The following CDK19 variants were observed in gnomAD, a reference collection of about 807,000 sequenced individuals.
CDK19 encodes the protein cyclin dependent kinase 19.
CDK19 carries 20 observed loss-of-function variants against 68.3 expected under a neutral mutation model. That is an observed-to-expected ratio of 0.29 (90% CI 0.21 to 0.43). The LOEUF is 0.43. CDK19 is among the 20% of genes least tolerant of loss of function. CDK19 has a pLI of 1.00. For synonymous variants in CDK19, 221 were observed against 222.8 expected, an observed-to-expected ratio of 0.99 and a Z score of 0.07; for missense variants, 339 against 623.5, an observed-to-expected ratio of 0.54 and a Z score of 4.86.
At chr6:110,720,410 T>C (rs1272135900) in intron 2 of CDK19, among the ~76,000 whole-genome samples, 2 of 152,134 alleles carry the variant, frequency 1.3e-5, no homozygotes, top group African/African-American at 4.8e-5. Context: ...AGATGTGCTG[T>C]CAGGTACTCA....
chr6:110,762,629 T>G (rs968935916), intron 1 of CDK19, among the ~76,000 whole-genome samples: 2 of 152,168 alleles, frequency 1.3e-5, no homozygotes, highest in African/African-American at 4.8e-5. Context: ...GCAGAATACG[T>G]AAAGCACCTA....
intron 1 of CDK19, chr6:110,774,076 A>AT (rs1249477582): frequency 6.6e-6 from 1 of 152,004 alleles, no homozygotes; most frequent in Non-Finnish European, 1.5e-5. Context: ...GACAATGAGC[A>AT]TATCAACAAT....
chr6:110,814,687 C>T, intron 1 of CDK19: 1 of 551,464 alleles, frequency 1.8e-6, no homozygotes, highest in South Asian at 1.5e-5. Flanking sequence ...CCCCAAGAGA[C>T]TAGACCCCAC....
intron 2 of CDK19, among the ~76,000 whole-genome samples, chr6:110,720,314 T>A (rs1775766190): frequency 1.3e-5 from 2 of 152,176 alleles, no homozygotes; most frequent in African/African-American, 4.8e-5. Context: ...TCTTTCACGA[T>A]CTTTGGCAGA....
chr6:110,741,482 A>C (rs1562250152), intron 2 of CDK19, among the ~76,000 whole-genome samples: 1 of 151,416 alleles, frequency 6.6e-6, no homozygotes, highest in Non-Finnish European at 1.5e-5. Flanking sequence ...AATAAAATAA[A>C]TTAAAAAAAA....
chr6:110,648,001 GA>G (rs1037757430), intron 4 of CDK19, among the ~76,000 whole-genome samples: 3 of 151,530 alleles, frequency 2.0e-5, no homozygotes, highest in Non-Finnish European at 2.9e-5. Flanking sequence ...AGATGCTGGG[GA>G]AAAAAAACAG....
intron 2 of CDK19, among the ~76,000 whole-genome samples, chr6:110,688,159 G>A (rs1772653019): frequency 6.6e-6 from 1 of 152,006 alleles, no homozygotes; most frequent in Non-Finnish European, 1.5e-5. Flanking sequence ...GCCAAGGTGG[G>A]CAGATCACTT....
At chr6:110,648,630 T>C (rs1369608218) in intron 4 of CDK19, among the ~76,000 whole-genome samples, 1 of 149,330 alleles carries the variant, frequency 6.7e-6, no homozygotes, top group African/African-American at 2.5e-5. Flanking sequence ...AACCTCTGCC[T>C]TCCAGGTTCA....
Position 110,610,202 on chromosome 6 carries a change from C to G in CDK19, c.*4333G>C, listed in dbSNP as rs1233527804. ...GGAGCACGAAAAGCTACAGTCATCT[C>G]TATAACCATATAAAGGGGGATGCGT... On this transcript the variant is annotated 3_prime_UTR_variant, in exon 13 of 13. Transcript: ENST00000368911. 6.6e-6 allele frequency: 1 copy of G among 152,234 alleles called. No individual in the cohort carries two copies. Among genetic ancestry groups the G allele is most frequent in the Non-Finnish European group, 1.5e-5 (1 of 68,020 alleles). The allele number at this position is 152,234 out of a possible 1,614,324, so 9.4% of individuals were successfully genotyped here. A position where few individuals can be genotyped will look rare whatever the true frequency, so the allele number is the denominator to read the frequency against.
rs542703401 is a variant in CDK19, at chr6:110,703,320, G to C, written c.205-32779C>G. Among the ~76,000 whole-genome samples the C allele has an allele frequency of 2.6e-5, 4 of 152,186 alleles. No homozygotes were observed. The East Asian group carries it at 7.7e-4, about 29-fold the overall frequency. ...TAAGATATTATGTTAGCAGTACTTT[G>C]AATAGGGTGCTTAGGGAAATATATT... On this transcript the variant is annotated intron_variant, in intron 2 of 12. Transcript: ENST00000368911.
intron 2 of CDK19, among the ~76,000 whole-genome samples, chr6:110,725,016 C>T (rs1258831585): frequency 6.6e-6 from 1 of 152,136 alleles, no homozygotes; most frequent in Non-Finnish European, 1.5e-5. Flanking sequence ...CTGATACCTA[C>T]TATGTGAGCT....
chr6:110,801,550 C>T (rs954361935), intron 1 of CDK19, among the ~76,000 whole-genome samples: 9 of 151,748 alleles, frequency 5.9e-5, no homozygotes, highest in Middle Eastern at 3.2e-3. Flanking sequence ...TTTGCACTGT[C>T]GCCCAAGCTA....
chr6:110,729,132 G>C (rs1776561090), intron 2 of CDK19, among the ~76,000 whole-genome samples: 1 of 152,084 alleles, frequency 6.6e-6, no homozygotes, highest in South Asian at 2.1e-4. Flanking sequence ...CAGGTGAAAA[G>C]AGATTAGTAA....
intron 1 of CDK19, among the ~76,000 whole-genome samples, chr6:110,751,185 C>T (rs1778450391): frequency 6.6e-6 from 1 of 152,142 alleles, no homozygotes; most frequent in Non-Finnish European, 1.5e-5. Flanking sequence ...ACTTGGCCCA[C>T]AGATCCCTAC....
intron 2 of CDK19, among the ~76,000 whole-genome samples, chr6:110,697,998 T>C (rs1773632190): frequency 6.6e-6 from 1 of 152,134 alleles, no homozygotes; most frequent in Admixed American, 6.5e-5. Flanking sequence ...TCTCTTACCT[T>C]ATACAGAAAT....
At chr6:110,662,129 C>T (rs907226124) in intron 4 of CDK19, among the ~76,000 whole-genome samples, 3 of 152,040 alleles carry the variant, frequency 2.0e-5, no homozygotes, top group East Asian at 1.9e-4. Flanking sequence ...GCCACCACAC[C>T]GAGCTAATTT....
chr6:110,698,969 G>A (rs1773741932), intron 2 of CDK19, among the ~76,000 whole-genome samples: 1 of 150,714 alleles, frequency 6.6e-6, no homozygotes, highest in African/African-American at 2.4e-5. Flanking sequence ...TGGGAGGATT[G>A]CTTGGGCCCA....
At chr6:110,768,248 A>G (rs1471706610) in intron 1 of CDK19, among the ~76,000 whole-genome samples, 1 of 152,212 alleles carries the variant, frequency 6.6e-6, no homozygotes. Flanking sequence ...TCAAATGCTG[A>G]CAAGGATGTG....
Position 110,662,033 on chromosome 6 carries a change from G to A in CDK19, c.456+5401C>T, listed in dbSNP as rs9374189. ...TGCCTAGGCTGGAGTGCAGTGGCAC[G>A]ATCTCGGCTCACTGCAATCTCTGCC... On this transcript the variant is annotated intron_variant, in intron 4 of 12. Coordinates refer to ENST00000368911, the MANE Select transcript of CDK19 (RefSeq NM_015076.5). 0.012 allele frequency among the ~76,000 whole-genome samples: 1,901 copies of A among 152,158 alleles called. 125 individuals are homozygous for A. In the East Asian group the frequency reaches 0.21, roughly 17 times the overall value.
Sources: allele counts gnomAD v4.1 joint callset (sites outside exome capture counted in the v4.1 genomes callset), GRCh38; gene constraint gnomAD v4.1.1; transcripts MANE v1.5; gene names NCBI Gene and HGNC (gene_info 2026-07-23, HGNC 2026-07-21).